The following LRRC66 variants were observed in gnomAD, a reference collection of about 807,000 sequenced individuals.
LRRC66 encodes leucine-rich repeat-containing protein 66.
In LRRC66, 29 loss-of-function variants were observed where a neutral mutation model predicts 24.6. The observed-to-expected ratio is 1.18, with a 90% CI of 0.88 to 1.61. The LOEUF (loss-of-function observed/expected upper bound fraction) is 1.61, where lower values mean the gene tolerates loss of function less well. Ranked by LOEUF, LRRC66 falls within the 40% of genes most tolerant of loss-of-function variation. The probability of loss-of-function intolerance (pLI) is 0.00; values close to 1 mark genes in which losing one functional copy is unlikely to be tolerated. For missense variants in LRRC66, 1,124 were observed against 1,058.0 expected (o/e 1.06, Z -0.87); for synonymous variants, 411 against 397.6 (o/e 1.03, Z -0.40).
intron 2 of LRRC66, among the ~76,000 whole-genome samples, chr4:52,013,051 C>A (rs1251218976): frequency 6.6e-6 from 1 of 152,140 alleles, no homozygotes; most frequent in African/African-American, 2.4e-5. Context: ...ATATTCGATT[C>A]ATTAGGTCAG....
chr4:52,017,009 G>T, intron 2 of LRRC66, 109 bp downstream of exon 2: 2 of 1,188,128 alleles, frequency 1.7e-6, no homozygotes, highest in Non-Finnish European at 2.4e-6. Flanking sequence ...TGATCAAATT[G>T]CTTTACTTTC....
chr4:52,017,223 G>A lies in LRRC66; in HGVS notation c.391C>T (p.Pro131Ser). ...IHSLSLDLLS[P>S]KSSWVKRHRS... is the part of the protein sequence containing the mutation. ...TGGCGTTTCACCCATGAGGACTTAG[G>A]ACTGAGTAGATCCAATGAGAGGGAG... Residue 131 changes from proline (P) to serine (S), a missense_variant, in exon 2 of 5, where the codon CCT becomes TCT. Coordinates refer to ENST00000682860, the MANE Select transcript of LRRC66 (RefSeq NM_001024611.3). 6.2e-7 allele frequency: 1 copy of A among 1,614,154 alleles called. No homozygotes were observed. Among genetic ancestry groups the A allele is most frequent in the Non-Finnish European group, 8.5e-7 (1 of 1,179,994 alleles).
At position 51,995,619 on chromosome 4, in the gene LRRC66, G is replaced by A. The variant is rs1179507993; in HGVS notation, c.1403C>T (p.Thr468Ile). 1.2e-6 allele frequency: 2 copies of A among 1,614,122 alleles called. No homozygotes were observed. Among genetic ancestry groups the A allele is most frequent in the South Asian group, 2.2e-5 (2 of 91,074 alleles). The change falls in exon 5 of 5, where the codon ACC (threonine) becomes ATC (isoleucine). Residue 468 changes from threonine (T) to isoleucine (I), a missense_variant. Coordinates refer to ENST00000682860, the MANE Select transcript of LRRC66 (RefSeq NM_001024611.3). Reference protein sequence around the residue: ...FWVTQPHPHATVIPDRTLGRS... With the variant: ...FWVTQPHPHAIVIPDRTLGRS... The stretch of plus-strand genomic sequence containing the variant: ...TCCCAGAGTTCTATCAGGAATTACG[G>A]TGGCGTGTGGGTGTGGCTGTGTCAC...
intron 3 of LRRC66, among the ~76,000 whole-genome samples, chr4:52,001,536 T>C (rs930787877): frequency 1.1e-4 from 17 of 152,228 alleles, no homozygotes; most frequent in African/African-American, 3.9e-4. Flanking sequence ...AAAATTTCTA[T>C]ACACAGACTG....
At chr4:52,002,161 CATT>C (rs1736459639) in intron 3 of LRRC66, among the ~76,000 whole-genome samples, 1 of 152,252 alleles carries the variant, frequency 6.6e-6, no homozygotes, top group African/African-American at 2.4e-5. Flanking sequence ...TAAAATATCT[CATT>C]AATAATTTCT....
chr4:52,013,350 A>T (rs987591730), intron 2 of LRRC66, among the ~76,000 whole-genome samples: 1 of 152,140 alleles, frequency 6.6e-6, no homozygotes, highest in African/African-American at 2.4e-5. Flanking sequence ...CTTAGGTTCT[A>T]GAACTTAGTT....
chr4:51,995,206 T>G lies in LRRC66; in HGVS notation c.1816A>C (p.Arg606=). 6.2e-7 allele frequency: 1 copy of G among 1,614,236 alleles called. No homozygotes were observed. Among genetic ancestry groups the G allele is most frequent in the Non-Finnish European group, 8.5e-7 (1 of 1,180,046 alleles). Reference sequence around the variant, plus strand: ...CAAAGTGACTGTTCAGTGCCCCCTCTTTCCTTACTATCTCCAGTCCTCTGT... The same window carrying G: ...CAAAGTGACTGTTCAGTGCCCCCTCGTTCCTTACTATCTCCAGTCCTCTGT... ...EAQRTGDSKE[R]GGTEQSLWDS... The change falls in exon 5 of 5, where the codon AGA becomes CGA. Residue 606 remains arginine, a synonymous_variant. Coordinates refer to ENST00000682860, the MANE Select transcript of LRRC66 (RefSeq NM_001024611.3).
intron 3 of LRRC66, among the ~76,000 whole-genome samples, chr4:51,999,462 G>T (rs1736399481): frequency 6.6e-6 from 1 of 152,084 alleles, no homozygotes; most frequent in African/African-American, 2.4e-5. Context: ...TCAAAGGAAG[G>T]TTGCCAAAAA....
Position 51,994,873 on chromosome 4 carries a change from T to C in LRRC66, c.2149A>G (p.Ser717Gly). 6.2e-7 allele frequency: 1 copy of C among 1,614,168 alleles called. No homozygotes were observed. The highest frequency in any genetic ancestry group is 8.5e-7 in the Non-Finnish European group (1 of 1,180,034). Residue 717 changes from serine to glycine, a missense_variant, in exon 5 of 5, where the codon AGT becomes GGT. Ser to Gly is a moderately conservative substitution (Grantham distance 56). Transcript: ENST00000682860. ...EGSLFTLSSI[S>G]SESARSKTEE... ...GTCTTGCTCCTTGCACTCTCTGAAC[T>C]TATGGAGCTCAGAGTGAACAGAGAC...
intron 1 of LRRC66, chr4:52,018,641 G>A (rs1364341661): frequency 6.8e-5 from 65 of 954,448 alleles, no homozygotes; most frequent in African/African-American, 8.8e-5. Flanking sequence ...CTACAATAAC[G>A]TATTTCCTAT....
At chr4:51,998,188 A>C (rs1423320399) in intron 3 of LRRC66, among the ~76,000 whole-genome samples, 1 of 152,198 alleles carries the variant, frequency 6.6e-6, no homozygotes, top group Admixed American at 6.5e-5. Flanking sequence ...CTGTATGTGA[A>C]AGCTTTCAGT....
chr4:52,007,358 T>A (rs1485269754), intron 2 of LRRC66, among the ~76,000 whole-genome samples: 1 of 152,086 alleles, frequency 6.6e-6, no homozygotes, highest in African/African-American at 2.4e-5. Context: ...TTTTTTCTTT[T>A]AATTTTTTGT....
At chr4:52,000,094 T>A (rs538857265) in intron 3 of LRRC66, among the ~76,000 whole-genome samples, 1 of 152,320 alleles carries the variant, frequency 6.6e-6, no homozygotes, top group East Asian at 1.9e-4. Flanking sequence ...AATATGTTCA[T>A]CATGTTCCAA....
At position 51,995,768 on chromosome 4, in the gene LRRC66, G is replaced by A. The variant is rs766087905; in HGVS notation, c.1254C>T (p.Asn418=). The part of the protein sequence containing the change: ...KCQSKSPGLD[N]AYSNEGFYDD... ...CGTAGAAGCCCTCGTTTGAATACGC[G>A]TTGTCCAGGCCAGGGCTTTTGCTCT... The change falls in exon 5 of 5, where the codon AAC becomes AAT. Residue 418 remains asparagine, a synonymous_variant. Coordinates refer to ENST00000682860, the MANE Select transcript of LRRC66 (RefSeq NM_001024611.3). The A allele has an allele frequency of 3.3e-5, 53 of 1,613,958 alleles. No individual in the cohort carries two copies. Among genetic ancestry groups the A allele is most frequent in the East Asian group, 2.2e-5 (1 of 44,866 alleles).
At chr4:52,012,952 G>C (rs1470527048) in intron 2 of LRRC66, among the ~76,000 whole-genome samples, 1 of 152,130 alleles carries the variant, frequency 6.6e-6, no homozygotes, top group Non-Finnish European at 1.5e-5. Flanking sequence ...GTGATAACCT[G>C]ATAACATAAA....
Position 52,017,436 on chromosome 4 carries a change from G to A in LRRC66, c.178C>T (p.Gln60Ter). The A allele has an allele frequency of 6.2e-7, 1 of 1,614,054 alleles. No homozygotes were observed. The highest frequency in any genetic ancestry group is 8.5e-7 in the Non-Finnish European group (1 of 1,179,972). ...GKCDIPVDIS[Q>*]TAATVDVSFN... ...CTTACATCCACAGTGGCTGCTGTCTGTGATATGTCCACAGGTATATCACAC... is the reference window on the plus strand; with the variant it reads ...CTTACATCCACAGTGGCTGCTGTCTATGATATGTCCACAGGTATATCACAC... Residue 60 changes from glutamine (Q) to a stop codon, truncating the protein, a stop_gained, in exon 2 of 5, where the codon CAG becomes TAG. Coordinates refer to ENST00000682860, the MANE Select transcript of LRRC66 (RefSeq NM_001024611.3). LOFTEE classifies it high-confidence loss of function.
rs371327332 is a variant in LRRC66 at position 51,995,624 on chromosome 4, G to C, written c.1398C>G (p.His466Gln). The C allele has an allele frequency of 5.6e-6, 9 of 1,614,080 alleles. No homozygotes were observed. In the East Asian group the frequency reaches 2.0e-4, roughly 36 times the overall value. ...TPFWVTQPHP[H>Q]ATVIPDRTLG... ...GAGTTCTATCAGGAATTACGGTGGC[G>C]TGTGGGTGTGGCTGTGTCACCCAGA... Residue 466 changes from histidine (H) to glutamine (Q), a missense_variant, in exon 5 of 5, where the codon CAC (histidine) becomes CAG (glutamine). Transcript: ENST00000682860.
At chr4:52,012,094 G>A (rs1310488830) in intron 2 of LRRC66, among the ~76,000 whole-genome samples, 2 of 152,066 alleles carry the variant, frequency 1.3e-5, no homozygotes, top group Non-Finnish European at 2.9e-5. Context: ...GGCTAAGGCA[G>A]GAGAATCTCT....
At chr4:52,019,027 C>A (rs185158044) in intron 1 of LRRC66, among the ~76,000 whole-genome samples, 33 of 152,294 alleles carry the variant, frequency 2.2e-4, no homozygotes, top group African/African-American at 7.0e-4. Flanking sequence ...CAGGCATGTG[C>A]CACTACAACT....
Sources: allele counts gnomAD v4.1 joint callset (sites outside exome capture counted in the v4.1 genomes callset), GRCh38; gene constraint gnomAD v4.1.1; transcripts MANE v1.5; gene names NCBI Gene and HGNC (gene_info 2026-07-23, HGNC 2026-07-21).